Variants in USP15 observed in about 807,000 individuals in gnomAD.
The protein encoded by USP15 is ubiquitin carboxyl-terminal hydrolase 15.
A neutral mutation model predicts 127.1 loss-of-function variants in USP15; 18 were observed. The observed-to-expected ratio is 0.14, with a 90% CI of 0.10 to 0.21. The LOEUF (loss-of-function observed/expected upper bound fraction) is 0.21. USP15 is among the 10% of genes least tolerant of loss of function. USP15 has a pLI of 1.00. For missense variants in USP15, 805 were observed against 1,159.9 expected (o/e 0.69, Z 4.44); for synonymous variants, 364 against 393.7 (o/e 0.92, Z 0.89).
intron 4 of USP15, among the ~76,000 whole-genome samples, chr12:62,317,771 T>G (rs573111161): frequency 6.6e-6 from 1 of 152,216 alleles, no homozygotes; most frequent in Non-Finnish European, 1.5e-5. Flanking sequence ...TACACTGATA[T>G]ATAGTAAAAA....
chr12:62,381,299 T>C lies in USP15; in HGVS notation c.916-191T>C, dbSNP rs567886882. Among the ~76,000 whole-genome samples the C allele has an allele frequency of 7.9e-5, 12 of 152,184 alleles. No homozygotes were observed. In the South Asian group the frequency reaches 2.5e-3, roughly 32 times the overall value. On this transcript the variant is annotated intron_variant, in intron 8 of 21. Transcript: ENST00000280377. ...TTTTATTTATTATAAGTAATTATTT[T>C]GAAATTTGGGAAATGAATAGTTGAG...
chr12:62,304,740 T>G (rs2064424453), intron 3 of USP15: 1 of 443,540 alleles, frequency 2.3e-6, no homozygotes, highest in African/African-American at 2.1e-5. Context: ...GGAATCAAAA[T>G]CCAAGAGAAA....
intron 2 of USP15, among the ~76,000 whole-genome samples, chr12:62,301,395 A>G (rs934338960): frequency 1.3e-5 from 2 of 152,222 alleles, no homozygotes; most frequent in Admixed American, 1.3e-4. Flanking sequence ...ACAAATGGTC[A>G]TACAGTGTTA....
At chr12:62,286,179 A>G (rs2137115355) in intron 1 of USP15, among the ~76,000 whole-genome samples, 1 of 152,300 alleles carries the variant, frequency 6.6e-6, no homozygotes, top group South Asian at 2.1e-4. Context: ...CTCTATAAGG[A>G]ACTTAATAAG....
intron 8 of USP15, among the ~76,000 whole-genome samples, chr12:62,364,661 A>G (rs1194671279): frequency 6.6e-6 from 1 of 152,058 alleles, no homozygotes; most frequent in Non-Finnish European, 1.5e-5. Flanking sequence ...TGCTGTACTC[A>G]TCAACCTGTC....
At chr12:62,307,049 G>A (rs2064506389) in intron 3 of USP15, among the ~76,000 whole-genome samples, 1 of 152,136 alleles carries the variant, frequency 6.6e-6, no homozygotes, top group Admixed American at 6.6e-5. Flanking sequence ...AGCCAAAGTA[G>A]AGAGGACTTA....
In USP15 at chr12:62,409,946, T is replaced by C. The variant is rs2067998069; in HGVS notation, c.*5571T>C. The C allele has an allele frequency of 6.6e-6, 1 of 152,146 alleles. No homozygotes were observed. The allele number at this position is 152,146 out of a possible 1,614,324, so 9.4% of individuals were successfully genotyped here. ...TTAAACTCCATAAAGGAGTATTCGA[T>C]GTTAACAGACGTAACTCTTTAATGC... On this transcript the variant is annotated 3_prime_UTR_variant, in exon 22 of 22. Coordinates refer to ENST00000280377, the MANE Select transcript of USP15 (RefSeq NM_001252078.2).
At chr12:62,320,739 C>T (rs935235122) in intron 4 of USP15, among the ~76,000 whole-genome samples, 8 of 151,886 alleles carry the variant, frequency 5.3e-5, no homozygotes, top group African/African-American at 7.2e-5. Context: ...CTTCGGAGAA[C>T]GTATATTATT....
At chr12:62,335,113 G>C in intron 6 of USP15, 1 of 1,515,682 alleles carries the variant, frequency 6.6e-7, no homozygotes, top group Non-Finnish European at 8.9e-7. Flanking sequence ...TAAGTGGTTT[G>C]ATGTCTAGTT....
chr12:62,378,594 C>T (rs1481623917), intron 8 of USP15, among the ~76,000 whole-genome samples: 2 of 151,942 alleles, frequency 1.3e-5, no homozygotes, highest in Non-Finnish European at 2.9e-5. Flanking sequence ...CAGCATGTAT[C>T]ACTGTGAAAA....
chr12:62,402,922 A>G (rs2137675826), intron 21 of USP15, among the ~76,000 whole-genome samples: 1 of 152,222 alleles, frequency 6.6e-6, no homozygotes, highest in East Asian at 1.9e-4. Context: ...AGAACAATAC[A>G]AACAAGGGGA....
rs1463869145 is a variant in USP15 at position 62,415,358 on chromosome 12, TACTC to T, written c.*10985_*10988del. ...CAACATTAGAGAGGGCAATCTGCCTTACTCAGTCTACTGACTTAAATGTTAATCT... is the reference window on the plus strand; with the variant it reads ...CAACATTAGAGAGGGCAATCTGCCTTAGTCTACTGACTTAAATGTTAATCT... On this transcript the variant is annotated 3_prime_UTR_variant, in exon 22 of 22. Coordinates refer to ENST00000280377, the MANE Select transcript of USP15 (RefSeq NM_001252078.2). 6.6e-6 allele frequency: 1 copy of T among 152,244 alleles called. No individual in the cohort carries two copies. Among genetic ancestry groups the T allele is most frequent in the African/African-American group, 2.4e-5 (1 of 41,462 alleles). The allele number at this position is 152,244 out of a possible 1,614,324, so 9.4% of individuals were successfully genotyped here.
In USP15 at chr12:62,314,948, A is replaced by C. The variant is rs201068361; in HGVS notation, c.475+32A>C. On this transcript the variant is annotated intron_variant, in intron 4 of 21. Coordinates refer to ENST00000280377, the MANE Select transcript of USP15 (RefSeq NM_001252078.2). ...CAAGATCCTGTCTTGTTTTTAATCC[A>C]TTGCTATTAGATATTTAATTAGAAT... The C allele has an allele frequency of 3.3e-6, 5 of 1,516,552 alleles. No individual in the cohort carries two copies. In the South Asian group the frequency reaches 6.7e-5, roughly 20 times the overall value. 93.9% of individuals were successfully genotyped at this position (1,516,552 alleles called of 1,614,324 possible).
chr12:62,269,474 A>G (rs1434161939), intron 1 of USP15, among the ~76,000 whole-genome samples: 1 of 152,140 alleles, frequency 6.6e-6, no homozygotes, highest in Non-Finnish European at 1.5e-5. Context: ...ACTGAAATGC[A>G]GTAGCCCAAT....
At chr12:62,358,901 C>T (rs2066224904) in intron 8 of USP15, among the ~76,000 whole-genome samples, 2 of 151,996 alleles carry the variant, frequency 1.3e-5, no homozygotes. Flanking sequence ...AGAACTTGAG[C>T]ATCTGTGGAT....
intron 1 of USP15, among the ~76,000 whole-genome samples, chr12:62,284,389 G>C (rs2063734089): frequency 6.6e-6 from 1 of 152,122 alleles, no homozygotes; most frequent in Admixed American, 6.5e-5. Flanking sequence ...ATGTGTGGGG[G>C]CTTTCAATTG....
chr12:62,294,420 T>A, intron 2 of USP15, 114 bp downstream of exon 2: 2 of 1,201,282 alleles, frequency 1.7e-6, no homozygotes, highest in South Asian at 3.1e-5. Flanking sequence ...AGTTTTGCAT[T>A]ACAGATTTTA....
intron 1 of USP15, among the ~76,000 whole-genome samples, chr12:62,288,189 A>T (rs1028353188): frequency 6.6e-6 from 1 of 152,044 alleles, no homozygotes; most frequent in East Asian, 1.9e-4. Flanking sequence ...GCGGGGAAGT[A>T]TGAGTTATTT....
intron 6 of USP15, among the ~76,000 whole-genome samples, chr12:62,339,773 T>C (rs955508390): frequency 1.4e-4 from 21 of 152,222 alleles, no homozygotes; most frequent in Non-Finnish European, 2.2e-4. Flanking sequence ...GATGTGCTGC[T>C]GGATTCGGTT....
Sources: allele counts gnomAD v4.1 joint callset (sites outside exome capture counted in the v4.1 genomes callset), GRCh38; gene constraint gnomAD v4.1.1; transcripts MANE v1.5; gene names NCBI Gene and HGNC (gene_info 2026-07-23, HGNC 2026-07-21).